The following POLR3B variants were observed in gnomAD, a reference collection of about 807,000 sequenced individuals.
The protein encoded by POLR3B is DNA-directed RNA polymerase III subunit RPC2.
POLR3B carries 96 observed loss-of-function variants against 147.4 expected under a neutral mutation model. The observed-to-expected ratio is 0.65, with a 90% CI of 0.55 to 0.77. POLR3B has a LOEUF of 0.77. POLR3B is among the 30% of genes least tolerant of loss of function. POLR3B has a pLI of 0.00. For synonymous variants in POLR3B, 461 were observed against 485.9 expected, an observed-to-expected ratio of 0.95 and a Z score of 0.67; for missense variants, 1,036 against 1,413.5, an observed-to-expected ratio of 0.73 and a Z score of 4.28.
At chr12:106,391,829 C>T (rs1169248395) in intron 9 of POLR3B, among the ~76,000 whole-genome samples, 2 of 152,126 alleles carry the variant, frequency 1.3e-5, no homozygotes, top group African/African-American at 2.4e-5. Context: ...TTTGATTTTC[C>T]CTTCCTTTCT....
chr12:106,496,330 C>G, intron 24 of POLR3B, 172 bp downstream of exon 24: 1 of 698,212 alleles, frequency 1.4e-6, no homozygotes, highest in Non-Finnish European at 2.6e-6. Flanking sequence ...CTGGGCCACT[C>G]CCCTCTACAT....
At chr12:106,506,504 A>G (rs1026491020) in intron 27 of POLR3B, among the ~76,000 whole-genome samples, 6 of 152,196 alleles carry the variant, frequency 3.9e-5, no homozygotes, top group Non-Finnish European at 7.3e-5. Context: ...AAGGTAATGT[A>G]AGCAAGAAGA....
intron 12 of POLR3B, among the ~76,000 whole-genome samples, chr12:106,418,634 A>G (rs117861276): frequency 6.6e-6 from 1 of 152,240 alleles, no homozygotes; most frequent in East Asian, 1.9e-4. Context: ...AGCTGTCAGC[A>G]TTTTTCCCTG....
chr12:106,442,720 A>G (rs1380094725), intron 18 of POLR3B, among the ~76,000 whole-genome samples: 1 of 150,566 alleles, frequency 6.6e-6, no homozygotes, highest in Non-Finnish European at 1.5e-5. Flanking sequence ...CTTGGACATC[A>G]CTTCAGTCCA....
At chr12:106,441,325 C>G (rs1593043145) in intron 18 of POLR3B, among the ~76,000 whole-genome samples, 1 of 135,368 alleles carries the variant, frequency 7.4e-6, no homozygotes, top group South Asian at 2.2e-4. Flanking sequence ...ATGTGAATAT[C>G]GTAGTGTACT....
chr12:106,438,737 A>T (rs770016962), intron 18 of POLR3B, among the ~76,000 whole-genome samples: 3 of 152,214 alleles, frequency 2.0e-5, no homozygotes, highest in Non-Finnish European at 2.9e-5. Context: ...TAATGAATCA[A>T]GCTGTATAAA....
chr12:106,422,762 T>G (rs1461555488), intron 12 of POLR3B, among the ~76,000 whole-genome samples: 2 of 152,192 alleles, frequency 1.3e-5, no homozygotes, highest in Non-Finnish European at 2.9e-5. Context: ...CCTTTACCTT[T>G]TTTAGGAGTG....
intron 9 of POLR3B, among the ~76,000 whole-genome samples, chr12:106,382,587 A>G (rs1205049182): frequency 6.6e-6 from 1 of 152,244 alleles, no homozygotes; most frequent in Non-Finnish European, 1.5e-5. Context: ...GTACATCTCC[A>G]TCAGAACTCT....
In POLR3B at chr12:106,366,697, G is replaced by C. The variant is rs1040124471; in HGVS notation, c.202G>C (p.Asp68His). 9.3e-6 allele frequency: 15 copies of C among 1,613,316 alleles called. No individual in the cohort carries two copies. Among genetic ancestry groups the C allele is most frequent in the Non-Finnish European group, 1.3e-5 (15 of 1,179,410 alleles). The change falls in exon 4 of 28, where the codon GAC becomes CAC. Residue 68 changes from aspartate (D) to histidine (H), a missense_variant. Physicochemically the swap from Asp to His is moderately conservative, Grantham distance 81 (BLOSUM62 -1). Around this residue, in one of 12 missense-constraint regions of POLR3B, gnomAD observed 150 missense variants for 145.5 expected, o/e 1.03. Coordinates refer to ENST00000228347, the MANE Select transcript of POLR3B (RefSeq NM_018082.6). ...IMKANEKVTSDADPMWYLKYL... is the reference protein window; with the variant it reads ...IMKANEKVTSHADPMWYLKYL... ...GAAAGCCAATGAAAAGGTTACAAGT[G>C]ACGCTGACCCTATGTGGTACTTAAA... is the stretch of plus-strand genomic sequence containing the variant.
chr12:106,379,697 T>C (rs2036733666), intron 8 of POLR3B, among the ~76,000 whole-genome samples: 1 of 152,226 alleles, frequency 6.6e-6, no homozygotes, highest in East Asian at 1.9e-4. Context: ...GGCCCATATA[T>C]AAAATTGGCC....
intron 12 of POLR3B, among the ~76,000 whole-genome samples, chr12:106,420,568 G>T (rs2037361505): frequency 6.6e-6 from 1 of 152,152 alleles, no homozygotes; most frequent in Non-Finnish European, 1.5e-5. Flanking sequence ...CCTTCAAAAA[G>T]TTTTTAAATG....
At chr12:106,403,785 GA>G (rs1383815845) in intron 10 of POLR3B, among the ~76,000 whole-genome samples, 1 of 123,692 alleles carries the variant, frequency 8.1e-6, no homozygotes, top group Non-Finnish European at 1.6e-5. Context: ...ACGGGGTGGG[GA>G]ACATCACACA....
intron 21 of POLR3B, 87 bp from the exon 22 acceptor site, chr12:106,459,164 C>A (rs140928711): frequency 1.7e-5 from 14 of 801,704 alleles, no homozygotes; most frequent in Non-Finnish European, 2.9e-5. Flanking sequence ...GTTGGGACTG[C>A]AGGCCTGTGC....
chr12:106,371,088 G>T (rs970134977), intron 6 of POLR3B, among the ~76,000 whole-genome samples: 3 of 152,158 alleles, frequency 2.0e-5, no homozygotes, highest in Non-Finnish European at 2.9e-5. Context: ...AAGATTGAGG[G>T]TTTAAATCCT....
chr12:106,417,081 G>A (rs1211248297), intron 12 of POLR3B, among the ~76,000 whole-genome samples: 2 of 152,172 alleles, frequency 1.3e-5, no homozygotes, highest in Non-Finnish European at 2.9e-5. Flanking sequence ...AAATTAACAT[G>A]TAATTCTTTA....
chr12:106,486,287 CAAAAAAAAAAA>C (rs1195017160), intron 23 of POLR3B, among the ~76,000 whole-genome samples: 40 of 28,278 alleles, frequency 1.4e-3, no homozygotes, highest in Non-Finnish European at 1.9e-3. Context: ...GACTCCGTCT[CAAAAAAAAAAA>C]AAAAAAAAAA....
At chr12:106,406,659 A>G (rs1430144145) in intron 11 of POLR3B, among the ~76,000 whole-genome samples, 1 of 152,214 alleles carries the variant, frequency 6.6e-6, no homozygotes, top group Non-Finnish European at 1.5e-5. Context: ...GTTAGTGGTA[A>G]GAGTAAGGGT....
In POLR3B at chr12:106,388,911, T is replaced by G. The variant is rs577603912; in HGVS notation, c.724-4120T>G. ...ATATCTAAAAAGACCTCATGCCACT[T>G]TTTATAGTGCATCTCCCCTTATTTT... is the stretch of plus-strand genomic sequence containing the variant. On this transcript the variant is annotated intron_variant, in intron 9 of 27. Transcript: ENST00000228347. Among the ~76,000 whole-genome samples the G allele has an allele frequency of 2.6e-5, 4 of 152,322 alleles. No individual in the cohort carries two copies. The South Asian group carries it at 8.3e-4, about 32-fold the overall frequency.
At chr12:106,425,090 A>G (rs1374276211) in intron 12 of POLR3B, among the ~76,000 whole-genome samples, 4 of 152,052 alleles carry the variant, frequency 2.6e-5, no homozygotes, top group Admixed American at 6.5e-5. Flanking sequence ...TCCAATATTT[A>G]TATCTTTTAT....
Sources: allele counts gnomAD v4.1 joint callset (sites outside exome capture counted in the v4.1 genomes callset), GRCh38; gene constraint gnomAD v4.1.1; regional missense constraint gnomAD v4.1.1; transcripts MANE v1.5; gene names NCBI Gene and HGNC (gene_info 2026-07-23, HGNC 2026-07-21).